The following USP6NL variants were observed in gnomAD, a reference collection of about 807,000 sequenced individuals.
USP6NL encodes the protein USP6 N-terminal-like protein.
In USP6NL, 26 loss-of-function variants were observed where a neutral mutation model predicts 61.9. The ratio of observed to expected loss-of-function variants is 0.42; its 90% CI spans 0.31 to 0.58. The LOEUF is 0.58. USP6NL is among the 20% of genes least tolerant of loss of function. The pLI is 0.16. For missense variants in USP6NL, 1,114 were observed against 1,034.3 expected, an observed-to-expected ratio of 1.08 and a Z score of -1.06; for synonymous variants, 432 against 390.1, an observed-to-expected ratio of 1.11 and a Z score of -1.27.
intron 1 of USP6NL, among the ~76,000 whole-genome samples, chr10:11,605,324 TGAGA>T (rs1462050598): frequency 6.6e-6 from 1 of 152,076 alleles, no homozygotes; most frequent in Admixed American, 6.6e-5. Flanking sequence ...CTGAATCCCA[TGAGA>T]AAGAAAAACT....
At position 11,493,178 on chromosome 10, in the gene USP6NL, G is replaced by A. The variant is rs758650205; in HGVS notation, c.435C>T (p.Asp145=). The A allele has an allele frequency of 6.2e-7, 1 of 1,612,530 alleles. No homozygotes were observed. Among genetic ancestry groups the A allele is most frequent in the East Asian group, 2.2e-5 (1 of 44,854 alleles). ...RGCSPDIRQI[D]LDVNRTFRDH... ...CCCGAAATGTGCGGTTGACATCCAG[G>A]TCTATTTGTCTGATGTCAGGTGAAC... Residue 145 remains aspartate, a synonymous_variant, in exon 8 of 15, where the codon GAC becomes GAT. Transcript: ENST00000609104.
At chr10:11,582,016 G>A (rs1406814222) in intron 2 of USP6NL, among the ~76,000 whole-genome samples, 4 of 152,174 alleles carry the variant, frequency 2.6e-5, no homozygotes, top group Admixed American at 1.3e-4. Flanking sequence ...CCAGGCTGGA[G>A]TGCTGTGGCG....
At chr10:11,605,974 T>G (rs1350900111) in intron 1 of USP6NL, among the ~76,000 whole-genome samples, 1 of 152,102 alleles carries the variant, frequency 6.6e-6, no homozygotes. Context: ...GGCTGAGAAC[T>G]TGCCAAAATT....
At chr10:11,594,274 A>C (rs542214089) in intron 2 of USP6NL, among the ~76,000 whole-genome samples, 2 of 152,342 alleles carry the variant, frequency 1.3e-5, no homozygotes, top group Non-Finnish European at 2.9e-5. Context: ...TCAAATGGAC[A>C]AGAAAAAGAA....
chr10:11,609,050 G>GCTTTT (rs150695721), intron 1 of USP6NL, among the ~76,000 whole-genome samples: 146 of 151,982 alleles, frequency 9.6e-4, no homozygotes, highest in African/African-American at 2.6e-3. Context: ...AATGGACTAT[G>GCTTTT]CTTTTCTTTT....
chr10:11,523,915 C>T (rs1835322063), intron 4 of USP6NL, among the ~76,000 whole-genome samples: 2 of 152,256 alleles, frequency 1.3e-5, no homozygotes, highest in South Asian at 2.1e-4. Flanking sequence ...AACAGTTTCC[C>T]AGCTGATTCT....
Position 11,495,722 on chromosome 10 carries a change from T to C in USP6NL, c.385-2494A>G, listed in dbSNP as rs1222755922. On this transcript the variant is annotated intron_variant, in intron 7 of 14. Coordinates refer to ENST00000609104, the MANE Select transcript of USP6NL (RefSeq NM_014688.5). This position sits in a 1 kb window ranked among gnomAD's most constrained non-coding sequence, Gnocchi z 4.6. ...TTCTCTGAAGATATTAAAAATAGTT[T>C]TTTAGATTCTCTTCTTTACACTATA... 1.3e-5 allele frequency among the ~76,000 whole-genome samples: 2 copies of C among 152,234 alleles called. No individual in the cohort carries two copies. The highest frequency in any genetic ancestry group is 2.9e-5 in the Non-Finnish European group (2 of 68,038).
Position 11,555,459 on chromosome 10 carries a change from G to T in USP6NL, c.5-27892C>A, listed in dbSNP as rs866341054. On this transcript the variant is annotated intron_variant, in intron 2 of 14. Coordinates refer to ENST00000609104, the MANE Select transcript of USP6NL (RefSeq NM_014688.5). ...ATATATATATATATATATAGAGAGA[G>T]AGAGAGAGAGAAAGAGAGAGAGAGA... Among the ~76,000 whole-genome samples the T allele has an allele frequency of 9.8e-3, 852 of 87,328 alleles. 4 individuals carry two copies. Among genetic ancestry groups the T allele is most frequent in the Admixed American group, 0.013 (102 of 7,818 alleles). The allele number at this position is 87,328 out of a possible 152,430, so 57.3% of individuals were successfully genotyped here.
intron 2 of USP6NL, among the ~76,000 whole-genome samples, chr10:11,551,764 C>T (rs994420655): frequency 3.9e-5 from 6 of 152,124 alleles, no homozygotes; most frequent in African/African-American, 1.4e-4. Context: ...AGTTTATTCA[C>T]CTAGGATCTT....
rs1838144836 is a variant in USP6NL, at chr10:11,591,036, A to C, written c.4+6595T>G. ...TTAAGAGTTAGAAGGCGTCCAGATG[A>C]TCTATCTAGTGCCTACATTTACGAA... On this transcript the variant is annotated intron_variant, in intron 2 of 14. Coordinates refer to ENST00000609104, the MANE Select transcript of USP6NL (RefSeq NM_014688.5). This position sits in a 1 kb window ranked among gnomAD's most constrained non-coding sequence, Gnocchi z 4.7. Among the ~76,000 whole-genome samples, 1 of 152,154 alleles carries C rather than the reference A, an allele frequency of 6.6e-6. No homozygotes were observed. The highest frequency in any genetic ancestry group is 1.5e-5 in the Non-Finnish European group (1 of 68,036).
At chr10:11,542,659 C>T (rs1836114142) in intron 2 of USP6NL, among the ~76,000 whole-genome samples, 1 of 152,076 alleles carries the variant, frequency 6.6e-6, no homozygotes, top group South Asian at 2.1e-4. Flanking sequence ...ACAGAGTTTG[C>T]AAGGAGCTGA....
At chr10:11,503,375 A>G (rs1049631458) in intron 6 of USP6NL, among the ~76,000 whole-genome samples, 1 of 152,236 alleles carries the variant, frequency 6.6e-6, no homozygotes, top group African/African-American at 2.4e-5. Context: ...ATAATTGTAC[A>G]TAAGTTACTG....
chr10:11,564,953 T>G (rs1471255805), intron 2 of USP6NL: 1 of 152,220 alleles, frequency 6.6e-6, no homozygotes, highest in African/African-American at 2.4e-5. Context: ...TATTGACTAA[T>G]TATGGATTTG....
chr10:11,490,132 C>T lies in USP6NL; in HGVS notation c.543+700G>A, dbSNP rs1174298233. Among the ~76,000 whole-genome samples, 5 of 152,182 alleles carry T rather than the reference C, an allele frequency of 3.3e-5. No homozygotes were observed. Among genetic ancestry groups the T allele is most frequent in the Non-Finnish European group, 7.3e-5 (5 of 68,028 alleles). ...TCCTATGAGATGTCCCTTTAAAAAC[C>T]CCTTTTTAACTTTTCCTAGTTTGAG... On this transcript the variant is annotated intron_variant, in intron 9 of 14. Transcript: ENST00000609104. This position sits in a 1 kb window ranked among gnomAD's most constrained non-coding sequence, Gnocchi z 4.5.
At chr10:11,580,864 A>AGCT (rs1837733969) in intron 2 of USP6NL, among the ~76,000 whole-genome samples, 2 of 125,456 alleles carry the variant, frequency 1.6e-5, no homozygotes, top group East Asian at 6.5e-4. Flanking sequence ...ACGAACGGAT[A>AGCT]GATGATGGAT....
Position 11,514,912 on chromosome 10 carries a change from C to T in USP6NL, c.195+3623G>A, listed in dbSNP as rs555341767. Among the ~76,000 whole-genome samples, 8 of 152,356 alleles carry T rather than the reference C, an allele frequency of 5.3e-5. No individual in the cohort carries two copies. In the East Asian group the frequency reaches 1.3e-3, roughly 26 times the overall value. ...CTCTGCTATCTCTCCATTACCTCTACTAGCTAAGAAAATGCTACACTGCTG... is the reference window on the plus strand; with the variant it reads ...CTCTGCTATCTCTCCATTACCTCTATTAGCTAAGAAAATGCTACACTGCTG... On this transcript the variant is annotated intron_variant, in intron 5 of 14. Transcript: ENST00000609104.
chr10:11,529,059 G>A (rs1242080517), intron 2 of USP6NL, among the ~76,000 whole-genome samples: 1 of 152,144 alleles, frequency 6.6e-6, no homozygotes, highest in Admixed American at 6.5e-5. Flanking sequence ...CTTCTATGGA[G>A]CAGGCAGTGA....
chr10:11,475,013 T>C (rs73567383), intron 14 of USP6NL, among the ~76,000 whole-genome samples: 94 of 152,306 alleles, frequency 6.2e-4, no homozygotes, highest in African/African-American at 2.2e-3. Flanking sequence ...AGAAAAATCT[T>C]TGATTCTTCT....
chr10:11,475,430 T>TA (rs532333723), intron 14 of USP6NL, among the ~76,000 whole-genome samples: 27 of 151,280 alleles, frequency 1.8e-4, no homozygotes, highest in African/African-American at 3.9e-4. Context: ...CCATCTCTAC[T>TA]AAAAAAAATT....
Sources: gnomAD v4.1 joint callset for allele counts (sites outside exome capture counted in the v4.1 genomes callset) on GRCh38, gnomAD v4.1.1 for gene constraint, Gnocchi (gnomAD v3.1) non-coding constraint, MANE v1.5 for transcripts, NCBI Gene and HGNC (gene_info 2026-07-23, HGNC 2026-07-21) for gene names.